The following RNF2 variants were observed in gnomAD, a reference collection of about 807,000 sequenced individuals.
The protein encoded by RNF2 is ring finger protein 2.
Under a neutral mutation model 37.2 loss-of-function variants are expected in RNF2, and 6 were observed. That is an observed-to-expected ratio of 0.16 (90% CI 0.09 to 0.32). The LOEUF (loss-of-function observed/expected upper bound fraction) is 0.32. RNF2 is among the 10% of genes least tolerant of loss of function. RNF2 has a pLI of 1.00. For synonymous variants in RNF2, 133 were observed against 132.7 expected (o/e 1.00, Z -0.02); for missense variants, 251 against 404.0 (o/e 0.62, Z 3.25).
In RNF2 at chr1:185,077,324, C is replaced by G. The variant is rs969724027; in HGVS notation, c.-2-10228C>G. Among the ~76,000 whole-genome samples the G allele has an allele frequency of 3.3e-5, 5 of 151,878 alleles. No homozygotes were observed. In the South Asian group the frequency reaches 1.0e-3, roughly 32 times the overall value. On this transcript the variant is annotated intron_variant, in intron 1 of 6. Coordinates refer to ENST00000367510, the MANE Select transcript of RNF2 (RefSeq NM_007212.4). ...CTCCCTCCTACTTCTCTCCCTCCCT[C>G]TCTATTTTTTTTCCTACCATAACAT...
At chr1:185,096,964 C>T (rs1651930559) in intron 4 of RNF2, among the ~76,000 whole-genome samples, 1 of 150,464 alleles carries the variant, frequency 6.6e-6, no homozygotes, top group Non-Finnish European at 1.5e-5. Flanking sequence ...TTTCATATTT[C>T]TTTTTCATTA....
chr1:185,090,307 TGGA>T (rs1434310444), intron 2 of RNF2, among the ~76,000 whole-genome samples: 1 of 152,174 alleles, frequency 6.6e-6, no homozygotes, highest in East Asian at 1.9e-4. Flanking sequence ...GGTACAGCCC[TGGA>T]GGAGAACATA....
intron 1 of RNF2, among the ~76,000 whole-genome samples, chr1:185,067,558 A>G (rs1650833232): frequency 6.6e-6 from 1 of 152,228 alleles, no homozygotes; most frequent in Non-Finnish European, 1.5e-5. Flanking sequence ...CAGAAGGGAC[A>G]GTAACTATGA....
chr1:185,079,659 G>T (rs1026738318), intron 1 of RNF2, among the ~76,000 whole-genome samples: 1 of 152,162 alleles, frequency 6.6e-6, no homozygotes, highest in Admixed American at 6.5e-5. Flanking sequence ...GCTGCTTGTG[G>T]TGGCTCACGC....
intron 1 of RNF2, among the ~76,000 whole-genome samples, chr1:185,071,024 A>G (rs1443007929): frequency 6.6e-6 from 1 of 152,202 alleles, no homozygotes; most frequent in African/African-American, 2.4e-5. Context: ...ACCTCTGCAT[A>G]AGTATACTTT....
intron 2 of RNF2, among the ~76,000 whole-genome samples, chr1:185,088,218 CT>C (rs1381704282): frequency 6.6e-6 from 1 of 152,074 alleles, no homozygotes; most frequent in East Asian, 1.9e-4. Flanking sequence ...AGCAGAGGAC[CT>C]ATAACTTCAT....
chr1:185,089,375 A>AT (rs1381714788), intron 2 of RNF2, among the ~76,000 whole-genome samples: 2 of 152,088 alleles, frequency 1.3e-5, no homozygotes, highest in Non-Finnish European at 2.9e-5. Flanking sequence ...ACATCATGCC[A>AT]TTTTTTTATA....
rs150695049 is a variant in RNF2, at chr1:185,084,513, C to T, written c.-2-3039C>T. On this transcript the variant is annotated intron_variant, in intron 1 of 6. Coordinates refer to ENST00000367510, the MANE Select transcript of RNF2 (RefSeq NM_007212.4). The stretch of plus-strand genomic sequence containing the variant: ...GAGGGGTTTTGTTTCCCCCTTCTTA[C>T]TTTTGCAAGAGAATCTTCTAGGGAT... Among the ~76,000 whole-genome samples, 3 of 152,180 alleles carry T rather than the reference C, an allele frequency of 2.0e-5. No individual in the cohort carries two copies. In the East Asian group the frequency reaches 5.8e-4, roughly 29 times the overall value.
rs1417259654 is a variant in RNF2, at chr1:185,095,672, A to G, written c.464+2396A>G. Among the ~76,000 whole-genome samples the G allele has an allele frequency of 9.2e-5, 14 of 152,262 alleles. No homozygotes were observed. The East Asian group carries it at 2.1e-3, about 23-fold the overall frequency. ...GTAGCTGCTCAGTAAATATTTATCT[A>G]TGTGTGAATTTTTAAGTTCTTCCTT... On this transcript the variant is annotated intron_variant, in intron 4 of 6. Transcript: ENST00000367510.
intron 1 of RNF2, among the ~76,000 whole-genome samples, chr1:185,073,710 T>C (rs1212845822): frequency 1.3e-5 from 2 of 152,250 alleles, no homozygotes; most frequent in Admixed American, 1.3e-4. Context: ...CATCAGCCAG[T>C]ACATTTTTAT....
chr1:185,066,207 G>A (rs1650794982), intron 1 of RNF2, among the ~76,000 whole-genome samples: 1 of 152,024 alleles, frequency 6.6e-6, no homozygotes, highest in African/African-American at 2.4e-5. Context: ...TTGCACTGTG[G>A]ATCTTTCTTG....
chr1:185,094,555 C>T (rs972587990), intron 4 of RNF2, among the ~76,000 whole-genome samples: 15 of 152,042 alleles, frequency 9.9e-5, no homozygotes, highest in Admixed American at 9.8e-4. Flanking sequence ...AACAATCTTT[C>T]ATTTGATGTA....
intron 1 of RNF2, among the ~76,000 whole-genome samples, chr1:185,078,483 A>G (rs775550908): frequency 3.9e-5 from 6 of 152,084 alleles, no homozygotes; most frequent in Non-Finnish European, 5.9e-5. Flanking sequence ...CCTATCTTAC[A>G]TGGCTCCTCT....
intron 1 of RNF2, among the ~76,000 whole-genome samples, chr1:185,074,320 A>T (rs1651079402): frequency 6.6e-6 from 1 of 152,170 alleles, no homozygotes; most frequent in Non-Finnish European, 1.5e-5. Context: ...CTGGATCTCC[A>T]AACTCTTTTC....
chr1:185,097,734 A>G (rs1199042307), intron 4 of RNF2, among the ~76,000 whole-genome samples: 2 of 152,194 alleles, frequency 1.3e-5, no homozygotes, highest in Non-Finnish European at 2.9e-5. Flanking sequence ...ACAGGGTCTC[A>G]CTTTGTTGCC....
At chr1:185,056,375 T>C (rs1354584384) in intron 1 of RNF2, among the ~76,000 whole-genome samples, 3 of 151,986 alleles carry the variant, frequency 2.0e-5, no homozygotes, top group Non-Finnish European at 4.4e-5. Flanking sequence ...TCATTTTTTT[T>C]AGAGACAGGG....
chr1:185,087,330 G>T (rs1043340379), intron 1 of RNF2, among the ~76,000 whole-genome samples: 3 of 152,144 alleles, frequency 2.0e-5, no homozygotes, highest in African/African-American at 7.2e-5. Flanking sequence ...GAACATGCTG[G>T]AAGGGCCAAA....
intron 1 of RNF2, among the ~76,000 whole-genome samples, chr1:185,084,634 T>A (rs1361218836): frequency 6.6e-6 from 1 of 152,246 alleles, no homozygotes; most frequent in Non-Finnish European, 1.5e-5. Flanking sequence ...TTTCTAGAGC[T>A]TCTCTTAGCT....
At chr1:185,077,500 T>C (rs939512590) in intron 1 of RNF2, among the ~76,000 whole-genome samples, 1 of 152,198 alleles carries the variant, frequency 6.6e-6, no homozygotes, top group African/African-American at 2.4e-5. Context: ...TTCTAACTTA[T>C]TACGACTTTT....
Sources: gnomAD v4.1 joint callset for allele counts (sites outside exome capture counted in the v4.1 genomes callset) on GRCh38, gnomAD v4.1.1 for gene constraint, MANE v1.5 for transcripts, NCBI Gene and HGNC (gene_info 2026-07-23, HGNC 2026-07-21) for gene names.